HIPK2: variants seen among roughly 807,000 people sequenced by gnomAD.
HIPK2 encodes the protein homeodomain interacting protein kinase 2.
A neutral mutation model predicts 113.7 loss-of-function variants in HIPK2; 27 were observed. The ratio of observed to expected loss-of-function variants is 0.24; its 90% CI spans 0.17 to 0.33. HIPK2 has a LOEUF of 0.33. Among genes scored for constraint, HIPK2 ranks in the 10% least tolerant of loss-of-function variants. The probability of loss-of-function intolerance (pLI) is 1.00; values close to 1 mark genes in which losing one functional copy is unlikely to be tolerated. For missense variants in HIPK2, 1,257 were observed against 1,588.0 expected (o/e 0.79, Z 3.54); for synonymous variants, 631 against 642.2 (o/e 0.98, Z 0.26).
At chr7:139,656,624 G>A (rs966158702) in intron 2 of HIPK2, among the ~76,000 whole-genome samples, 11 of 152,200 alleles carry the variant, frequency 7.2e-5, no homozygotes, top group Admixed American at 2.0e-4. Flanking sequence ...GAACCAACTT[G>A]CCTATCACAC....
intron 2 of HIPK2, among the ~76,000 whole-genome samples, chr7:139,658,674 G>A (rs1007177297): frequency 6.6e-6 from 1 of 152,170 alleles, no homozygotes; most frequent in Non-Finnish European, 1.5e-5. Flanking sequence ...TGGTAGGTAC[G>A]GCAGAGTTGG....
intron 2 of HIPK2, among the ~76,000 whole-genome samples, chr7:139,654,469 C>A (rs949998248): frequency 1.3e-5 from 2 of 152,096 alleles, no homozygotes; most frequent in African/African-American, 4.8e-5. Flanking sequence ...GTCATGATCA[C>A]GCCACTGCAC....
Position 139,712,617 on chromosome 7 carries a change from G to A in HIPK2, c.1103+3315C>T, listed in dbSNP as rs546841780. Among the ~76,000 whole-genome samples the A allele has an allele frequency of 3.3e-5, 5 of 152,330 alleles. 1 individual carries two copies. The highest frequency in any genetic ancestry group is 9.6e-5 in the African/African-American group (4 of 41,564). On this transcript the variant is annotated intron_variant, in intron 2 of 14. Transcript: ENST00000406875. Reference sequence around the variant, plus strand: ...CTCAAACACACAGCCATTCCCTCACGATGCAGATGCAGCTGAAAGCATCTG... The same window carrying A: ...CTCAAACACACAGCCATTCCCTCACAATGCAGATGCAGCTGAAAGCATCTG...
intron 13 of HIPK2, among the ~76,000 whole-genome samples, chr7:139,580,116 C>T (rs1334450000): frequency 3.3e-5 from 5 of 152,194 alleles, no homozygotes; most frequent in Non-Finnish European, 7.4e-5. Flanking sequence ...TCTGCAGCCA[C>T]AATGTGGCTG....
intron 2 of HIPK2, among the ~76,000 whole-genome samples, chr7:139,658,407 A>G (rs78637898): frequency 0.073 from 11,052 of 152,290 alleles, 489 homozygotes; most frequent in South Asian, 0.18. Flanking sequence ...CACTCAAATC[A>G]TTCAATGTAT....
At chr7:139,698,373 G>A (rs1794620175) in intron 2 of HIPK2, among the ~76,000 whole-genome samples, 1 of 152,164 alleles carries the variant, frequency 6.6e-6, no homozygotes, top group Admixed American at 6.5e-5. Context: ...GGACATTTGG[G>A]CTGCTTCCAC....
At chr7:139,757,207 A>T (rs138959517) in intron 1 of HIPK2, among the ~76,000 whole-genome samples, 2 of 152,208 alleles carry the variant, frequency 1.3e-5, no homozygotes, top group Non-Finnish European at 2.9e-5. Flanking sequence ...CACAAACCAC[A>T]TATCAGTCAA....
intron 2 of HIPK2, among the ~76,000 whole-genome samples, chr7:139,702,939 C>T (rs1341834319): frequency 5.9e-5 from 9 of 152,182 alleles, no homozygotes; most frequent in Admixed American, 5.9e-4. Flanking sequence ...GCTATCAATG[C>T]TTCCTCCATC....
At chr7:139,697,370 A>C in intron 2 of HIPK2, among the ~76,000 whole-genome samples, 1 of 152,366 alleles carries the variant, frequency 6.6e-6, no homozygotes, top group Non-Finnish European at 1.5e-5. Context: ...CTACAGCCGG[A>C]AAAGTATAAA....
intron 1 of HIPK2, among the ~76,000 whole-genome samples, chr7:139,751,568 A>ATGGATGGATGGT (rs1182547980): frequency 2.7e-5 from 4 of 149,370 alleles, no homozygotes; most frequent in Non-Finnish European, 5.9e-5. Context: ...GGAGGGATGG[A>ATGGATGGATGGT]TGGATGGATG....
intron 2 of HIPK2, among the ~76,000 whole-genome samples, chr7:139,701,205 G>A (rs1204595829): frequency 4.6e-5 from 7 of 152,134 alleles, no homozygotes; most frequent in Non-Finnish European, 8.8e-5. Flanking sequence ...TGTCTAAGTC[G>A]GGTGGTGTCT....
chr7:139,743,314 T>G (rs1379708384), intron 1 of HIPK2, among the ~76,000 whole-genome samples: 2 of 152,194 alleles, frequency 1.3e-5, no homozygotes, highest in Admixed American at 1.3e-4. Flanking sequence ...GTTCTCAGAA[T>G]AGAGAAGAAT....
chr7:139,650,088 G>A (rs1030674807), intron 2 of HIPK2, among the ~76,000 whole-genome samples: 2 of 152,126 alleles, frequency 1.3e-5, no homozygotes, highest in African/African-American at 2.4e-5. Flanking sequence ...GGTGGCTCAC[G>A]CCTGTAATCC....
rs555285137 is a variant in HIPK2 at position 139,563,712 on chromosome 7, C to T, written c.*9215G>A. The T allele has an allele frequency of 1.3e-5, 5 of 397,604 alleles. No homozygotes were observed. In the Admixed American group the frequency reaches 1.8e-4, roughly 14 times the overall value. The allele number at this position is 397,604 out of a possible 1,614,324, so 24.6% of individuals were successfully genotyped here. On this transcript the variant is annotated 3_prime_UTR_variant, in exon 15 of 15. Coordinates refer to ENST00000406875, the MANE Select transcript of HIPK2 (RefSeq NM_022740.5). ...TGAGATGAAAACTATTTTACAGTAACATTTCCACCAAAAGACTGTCCTAAG... is the reference window on the plus strand; with the variant it reads ...TGAGATGAAAACTATTTTACAGTAATATTTCCACCAAAAGACTGTCCTAAG...
At chr7:139,624,455 C>T (rs979150146) in intron 6 of HIPK2, among the ~76,000 whole-genome samples, 3 of 152,170 alleles carry the variant, frequency 2.0e-5, no homozygotes, top group Non-Finnish European at 4.4e-5. Flanking sequence ...CCTGGCTTCC[C>T]GCTTACTTCT....
At chr7:139,701,312 C>G (rs1230634129) in intron 2 of HIPK2, among the ~76,000 whole-genome samples, 6 of 152,146 alleles carry the variant, frequency 3.9e-5, no homozygotes, top group Non-Finnish European at 4.4e-5. Flanking sequence ...AGGGAAAAGC[C>G]AGGGACAGAG....
At position 139,629,179 on chromosome 7, in the gene HIPK2, A is replaced by G. The variant is rs564136840; in HGVS notation, c.1348-140T>C. ...ATTTTGATTCTTCAATGACCTGCAC[A>G]CCTGCAATTCCCTTCTCTCTTCATC... is the stretch of plus-strand genomic sequence containing the variant. On this transcript the variant is annotated intron_variant, in intron 4 of 14. Coordinates refer to ENST00000406875, the MANE Select transcript of HIPK2 (RefSeq NM_022740.5). 3 of 663,536 alleles carry G rather than the reference A, an allele frequency of 4.5e-6. No homozygotes were observed. The South Asian group carries it at 5.4e-5, about 12-fold the overall frequency. The allele number at this position is 663,536 out of a possible 1,614,324, so 41.1% of individuals were successfully genotyped here.
chr7:139,591,963 G>GCA (rs1297774963), intron 12 of HIPK2, among the ~76,000 whole-genome samples: 9 of 152,242 alleles, frequency 5.9e-5, no homozygotes, highest in Admixed American at 5.9e-4. Context: ...TTTTGCCCAT[G>GCA]CAATAATAAA....
chr7:139,777,985 G>A lies in HIPK2; in HGVS notation c.-362C>T, dbSNP rs1796822850. ...GCAGCGCGCGGCCAGGGCCGGCGGGGCTCAGCTCAGCATGGCTGGGCGCGG... is the reference window on the plus strand; with the variant it reads ...GCAGCGCGCGGCCAGGGCCGGCGGGACTCAGCTCAGCATGGCTGGGCGCGG... On this transcript the variant is annotated 5_prime_UTR_variant, in exon 1 of 15. Transcript: ENST00000406875. Among the ~76,000 whole-genome samples the A allele has an allele frequency of 6.9e-6, 1 of 144,208 alleles. No homozygotes were observed. The highest frequency in any genetic ancestry group is 2.5e-5 in the African/African-American group (1 of 39,988). The allele number at this position is 144,208 out of a possible 152,430, so 94.6% of individuals were successfully genotyped here.
Sources: gnomAD v4.1 joint callset for allele counts (sites outside exome capture counted in the v4.1 genomes callset) on GRCh38, gnomAD v4.1.1 for gene constraint, MANE v1.5 for transcripts, NCBI Gene and HGNC (gene_info 2026-07-23, HGNC 2026-07-21) for gene names.